The following RORA variants were observed in gnomAD, a reference collection of about 807,000 sequenced individuals.
The protein encoded by RORA is RAR related orphan receptor A.
Under a neutral mutation model 69.5 loss-of-function variants are expected in RORA, and 7 were observed. The observed-to-expected ratio is 0.10, with a 90% CI of 0.06 to 0.19. The LOEUF is 0.19. RORA is among the 10% of genes least tolerant of loss of function. The pLI is 1.00. For missense variants in RORA, 457 were observed against 663.0 expected (o/e 0.69, Z 3.41); for synonymous variants, 261 against 240.8 (o/e 1.08, Z -0.78).
intron 1 of RORA, among the ~76,000 whole-genome samples, chr15:61,192,519 A>C (rs571550486): frequency 1.3e-5 from 2 of 152,338 alleles, no homozygotes; most frequent in South Asian, 4.1e-4. Context: ...ACCTCTCTGC[A>C]GCTCAGCACT....
chr15:61,160,244 C>T (rs544808489), intron 1 of RORA, among the ~76,000 whole-genome samples: 62 of 152,206 alleles, frequency 4.1e-4, no homozygotes, highest in Non-Finnish European at 6.9e-4. Context: ...CATAAACCTG[C>T]TTCCATTACT....
At position 60,620,802 on chromosome 15, in the gene RORA, G is replaced by A. The variant is rs560193166; in HGVS notation, c.196+57855C>T. Among the ~76,000 whole-genome samples the A allele has an allele frequency of 1.5e-4, 23 of 152,342 alleles. No homozygotes were observed. The South Asian group carries it at 2.5e-3, about 16-fold the overall frequency. On this transcript the variant is annotated intron_variant, in intron 2 of 10. Coordinates refer to ENST00000335670, the MANE Select transcript of RORA (RefSeq NM_134261.3). ...CGGGTTAGTCCAAGGCACAGTTGCC[G>A]GGCACCCTGGCGCTGATGGCTGCTG...
At chr15:60,712,529 C>T (rs2140810751) in intron 1 of RORA, among the ~76,000 whole-genome samples, 1 of 152,250 alleles carries the variant, frequency 6.6e-6, no homozygotes, top group African/African-American at 2.4e-5. Flanking sequence ...TTGGCTTATC[C>T]TTTTGATATG....
chr15:60,584,262 G>A (rs895051020), intron 2 of RORA, among the ~76,000 whole-genome samples: 1 of 152,216 alleles, frequency 6.6e-6, no homozygotes, highest in Non-Finnish European at 1.5e-5. Flanking sequence ...ACTCTCTGGA[G>A]TATGGGTTCT....
chr15:60,611,122 A>G (rs1260835662), intron 2 of RORA, among the ~76,000 whole-genome samples: 1 of 152,208 alleles, frequency 6.6e-6, no homozygotes, highest in African/African-American at 2.4e-5. Flanking sequence ...TTGGAGGTAA[A>G]TAAAATTTCT....
chr15:60,671,673 G>A (rs1197552974), intron 2 of RORA, among the ~76,000 whole-genome samples: 2 of 151,786 alleles, frequency 1.3e-5, no homozygotes, highest in African/African-American at 4.8e-5. Context: ...GTGCAGTGGC[G>A]TGATCTCGGC....
intron 2 of RORA, among the ~76,000 whole-genome samples, chr15:60,669,938 C>T (rs140488239): frequency 2.6e-5 from 4 of 152,286 alleles, no homozygotes; most frequent in African/African-American, 7.2e-5. Context: ...CTGCAATGTG[C>T]CTTACACAAT....
chr15:60,799,388 C>A (rs1055809024), intron 1 of RORA, among the ~76,000 whole-genome samples: 3 of 152,074 alleles, frequency 2.0e-5, no homozygotes, highest in African/African-American at 7.2e-5. Flanking sequence ...TAAGCAGTTT[C>A]CTTTTTATGG....
chr15:60,870,223 T>C (rs1430554865), intron 1 of RORA, among the ~76,000 whole-genome samples: 1 of 152,226 alleles, frequency 6.6e-6, no homozygotes, highest in African/African-American at 2.4e-5. Flanking sequence ...ATGTACCAAG[T>C]AGCATGCTAA....
intron 1 of RORA, among the ~76,000 whole-genome samples, chr15:60,784,394 T>C (rs2072307470): frequency 6.6e-6 from 1 of 152,152 alleles, no homozygotes; most frequent in Non-Finnish European, 1.5e-5. Context: ...ACATTCCAAT[T>C]GGGTCACTCC....
intron 1 of RORA, among the ~76,000 whole-genome samples, chr15:61,208,261 A>T (rs2079959838): frequency 6.6e-6 from 1 of 152,264 alleles, no homozygotes; most frequent in Non-Finnish European, 1.5e-5. Flanking sequence ...TGACATAGAC[A>T]AACCCCCAAA....
intron 1 of RORA, among the ~76,000 whole-genome samples, chr15:60,956,166 G>C (rs1893262322): frequency 6.6e-6 from 1 of 151,998 alleles, no homozygotes; most frequent in African/African-American, 2.4e-5. Flanking sequence ...CTCTTATTTT[G>C]ATCATGCTTT....
chr15:60,609,019 T>C (rs1426011783), intron 2 of RORA, among the ~76,000 whole-genome samples: 4 of 152,202 alleles, frequency 2.6e-5, no homozygotes, highest in African/African-American at 4.8e-5. Flanking sequence ...CTTGCAGTTA[T>C]GTCTCTTCAT....
chr15:60,649,405 G>C (rs1161620073), intron 2 of RORA, among the ~76,000 whole-genome samples: 1 of 152,122 alleles, frequency 6.6e-6, no homozygotes, highest in Non-Finnish European at 1.5e-5. Flanking sequence ...CAGAAACCTA[G>C]GGACACTGAC....
intron 1 of RORA, among the ~76,000 whole-genome samples, chr15:60,693,060 C>G (rs1217463755): frequency 1.3e-5 from 2 of 152,046 alleles, no homozygotes; most frequent in Admixed American, 1.3e-4. Flanking sequence ...AATAAAATAC[C>G]AGCAAACTGA....
intron 1 of RORA, among the ~76,000 whole-genome samples, chr15:60,933,568 G>A (rs552296590): frequency 6.6e-5 from 10 of 152,148 alleles, no homozygotes; most frequent in East Asian, 5.8e-4. Context: ...ATTCTGAATC[G>A]CAGGCATTTG....
At chr15:60,816,819 C>T (rs1038190807) in intron 1 of RORA, among the ~76,000 whole-genome samples, 1 of 151,842 alleles carries the variant, frequency 6.6e-6, no homozygotes, top group African/African-American at 2.4e-5. Context: ...TTATTAGGTG[C>T]TATATGTTTA....
intron 1 of RORA, among the ~76,000 whole-genome samples, chr15:60,783,905 T>G (rs2072298262): frequency 6.6e-6 from 1 of 152,244 alleles, no homozygotes; most frequent in Non-Finnish European, 1.5e-5. Flanking sequence ...TTTTCAAGAC[T>G]GGCAAAGAAG....
At position 60,570,307 on chromosome 15, in the gene RORA, A is replaced by G. The variant is rs1265798667; in HGVS notation, c.197-38456T>C. Among the ~76,000 whole-genome samples the G allele has an allele frequency of 2.0e-5, 3 of 152,032 alleles. No homozygotes were observed. In the South Asian group the frequency reaches 6.2e-4, roughly 32 times the overall value. ...CAGGAGAATGCTTAAAACCATGGACAGTATTATTTTTGTTTTGTGTGGGTG... is the reference window on the plus strand; with the variant it reads ...CAGGAGAATGCTTAAAACCATGGACGGTATTATTTTTGTTTTGTGTGGGTG... On this transcript the variant is annotated intron_variant, in intron 2 of 10. Coordinates refer to ENST00000335670, the MANE Select transcript of RORA (RefSeq NM_134261.3).
Sources: allele counts gnomAD v4.1 joint callset (sites outside exome capture counted in the v4.1 genomes callset), GRCh38; gene constraint gnomAD v4.1.1; transcripts MANE v1.5; gene names NCBI Gene and HGNC (gene_info 2026-07-23, HGNC 2026-07-21).